COL4A5: variants seen among roughly 807,000 people sequenced by gnomAD.
COL4A5 encodes the protein collagen alpha-5(IV) chain.
COL4A5 carries 26 observed loss-of-function variants against 130.2 expected under a neutral mutation model. The observed-to-expected ratio is 0.20, with a 90% confidence interval of 0.15 to 0.28. COL4A5 has a LOEUF of 0.28. COL4A5 is among the 10% of genes least tolerant of loss of function. COL4A5 has a pLI of 1.00. For synonymous variants in COL4A5, 496 were observed against 439.6 expected (o/e 1.13, Z -1.60); for missense variants, 1,131 against 1,344.3 (o/e 0.84, Z 2.48).
At chrX:108,520,178 C>A (rs1465669887) in intron 1 of COL4A5, among the ~76,000 whole-genome samples, 2 of 111,236 alleles carry the variant, frequency 1.8e-5, no homozygotes, top group East Asian at 5.6e-4. Flanking sequence ...AGGTTTATCT[C>A]TCCTCTTCTG....
intron 36 of COL4A5, chrX:108,627,653 T>G: frequency 1.8e-6 from 1 of 550,451 alleles, no homozygotes; most frequent in Non-Finnish European, 2.2e-6. Flanking sequence ...TATAATAATG[T>G]AACATATGAA....
intron 36 of COL4A5, among the ~76,000 whole-genome samples, chrX:108,630,846 G>C (rs2067241981): frequency 8.9e-6 from 1 of 112,205 alleles, no homozygotes; most frequent in Non-Finnish European, 1.9e-5. Context: ...GTGTGAGGAA[G>C]GGATCCAGTT....
intron 1 of COL4A5, among the ~76,000 whole-genome samples, chrX:108,472,911 C>G (rs750647082): frequency 8.9e-6 from 1 of 112,118 alleles, no homozygotes; most frequent in East Asian, 2.8e-4. Flanking sequence ...GCTCCCTTTT[C>G]TCCACATCCT....
At chrX:108,565,743 T>TGATGTCATTTA (rs2065957588) in intron 4 of COL4A5, among the ~76,000 whole-genome samples, 1 of 111,734 alleles carries the variant, frequency 8.9e-6, no homozygotes, top group Non-Finnish European at 1.9e-5. Context: ...TGTTTCCTCA[T>TGATGTCATTTA]GATGTCATTT....
chrX:108,464,744 C>G (rs1409652835), intron 1 of COL4A5, among the ~76,000 whole-genome samples: 1 of 111,904 alleles, frequency 8.9e-6, no homozygotes, highest in East Asian at 2.8e-4. Flanking sequence ...TTTAAGGGAA[C>G]AAGTGAATAA....
At position 108,640,388 on chromosome X, in the gene COL4A5, G is replaced by A. The variant is rs181276101; in HGVS notation, c.3246+14039G>A. ...ATGGTAATTGCTCAGGGTTGGGGGA[G>A]GGGAAAATAAGGAGATATTGGCCAA... On this transcript the variant is annotated intron_variant, in intron 36 of 52. Transcript: ENST00000328300. 3.0e-3 allele frequency among the ~76,000 whole-genome samples: 338 copies of A among 111,252 alleles called. 3 individuals are homozygous for A. Among genetic ancestry groups the A allele is most frequent in the African/African-American group, 0.011 (332 of 30,605 alleles).
At position 108,578,299 on chromosome X, in the gene COL4A5, A is replaced by C; in HGVS notation, c.696A>C (p.Gln232His). Residue 232 changes from glutamine to histidine, a missense_variant, in exon 13 of 53, where the codon CAA becomes CAC. By Grantham distance (24) the Gln-to-His change is conservative. Coordinates refer to ENST00000328300, the MANE Select transcript of COL4A5 (RefSeq NM_033380.3). ...FQGPKGEKGE[Q>H]GLQGPPGPPG... ...TTTTATCTTGCAAACAGGGTGAGCA[A>C]GGTCTTCAGGGCCCACCTGGGCCAC... 1 of 1,208,754 alleles carries C rather than the reference A, an allele frequency of 8.3e-7. No homozygotes were observed. The highest frequency in any genetic ancestry group is 1.1e-6 in the Non-Finnish European group (1 of 892,622).
At chrX:108,519,802 C>T (rs892136560) in intron 1 of COL4A5, among the ~76,000 whole-genome samples, 2 of 110,853 alleles carry the variant, frequency 1.8e-5, no homozygotes, top group African/African-American at 3.3e-5. Context: ...TGAGAGACTA[C>T]ACTGGGAACC....
chrX:108,661,651 T>C (rs908833364), intron 37 of COL4A5, among the ~76,000 whole-genome samples: 2 of 111,763 alleles, frequency 1.8e-5, no homozygotes, highest in African/African-American at 3.2e-5. Flanking sequence ...ATTTTTATTG[T>C]ATACTAAATG....
Position 108,607,367 on chromosome X carries a change from A to C in COL4A5, c.2395+475A>C, listed in dbSNP as rs763563833. Among the ~76,000 whole-genome samples, 320 of 108,254 alleles carry C rather than the reference A, an allele frequency of 3.0e-3. 1 individual carries two copies. Among genetic ancestry groups the C allele is most frequent in the African/African-American group, 0.01 (307 of 29,674 alleles). The allele number at this position is 108,254 out of a possible 115,157, so 94.0% of individuals were successfully genotyped here. ...CTTTGTCTCAAAAAAAAAAAAAAAAACAATCATATATGTTATAAAAGTAAC... is the reference window on the plus strand; with the variant it reads ...CTTTGTCTCAAAAAAAAAAAAAAAACCAATCATATATGTTATAAAAGTAAC... On this transcript the variant is annotated intron_variant, in intron 29 of 52. Transcript: ENST00000328300.
At chrX:108,627,578 T>C (rs1265579024) in intron 36 of COL4A5, 2 of 708,413 alleles carry the variant, frequency 2.8e-6, no homozygotes, top group African/African-American at 4.7e-5. Flanking sequence ...CTGTATAGTT[T>C]CATAAAAGTG....
intron 10 of COL4A5, 107 bp from the exon 11 acceptor site, chrX:108,577,845 C>G: frequency 1.5e-6 from 1 of 647,237 alleles, no homozygotes. Flanking sequence ...CAAGAAAATA[C>G]TATTTTGATG....
chrX:108,643,045 AATAG>A (rs1194344517), intron 36 of COL4A5, among the ~76,000 whole-genome samples: 1 of 111,393 alleles, frequency 9.0e-6, no homozygotes, highest in African/African-American at 3.3e-5. Context: ...TATTAAAGGA[AATAG>A]ATAGCATAAA....
Position 108,526,721 on chromosome X carries a change from CTT to C in COL4A5, c.82-13023_82-13022del, listed in dbSNP as rs1569481244. On this transcript the variant is annotated intron_variant, in intron 1 of 52. Transcript: ENST00000328300. ...TCTTTCTTTCTTTCTTTCTTTCTTT[CTT>C]TCTTCCTCCTCCTCCTCCTTCTTCT... is the stretch of plus-strand genomic sequence containing the variant. Among the ~76,000 whole-genome samples the C allele has an allele frequency of 3.5e-4, 29 of 82,160 alleles. 1 individual carries two copies. The highest frequency in any genetic ancestry group is 1.7e-3 in the Admixed American group (12 of 6,916). The allele number at this position is 82,160 out of a possible 115,157, so 71.3% of individuals were successfully genotyped here. A position where few individuals can be genotyped will look rare whatever the true frequency, so the allele number is the denominator to read the frequency against.
At chrX:108,457,251 T>C (rs948122742) in intron 1 of COL4A5, among the ~76,000 whole-genome samples, 26 of 112,142 alleles carry the variant, frequency 2.3e-4, no homozygotes, top group African/African-American at 8.4e-4. Context: ...GTAGCATTAG[T>C]CTATTTTTAG....
Position 108,680,712 on chromosome X carries a change from A to G in COL4A5, c.3976A>G (p.Lys1326Glu). ...TGGCCGGCCGGGTCTCAATGGAATG[A>G]AAGGAGATCCTGGTCTCCCTGGTGT... ...NPGRPGLNGMKGDPGLPGVPG... is the reference protein window; with the variant it reads ...NPGRPGLNGMEGDPGLPGVPG... Residue 1326 changes from lysine to glutamate, a missense_variant, in exon 45 of 53, where the codon AAA (lysine) becomes GAA (glutamate). Physicochemically the swap from Lys to Glu is moderately conservative, Grantham distance 56 (BLOSUM62 1). Transcript: ENST00000328300. The G allele has an allele frequency of 8.3e-7, 1 of 1,210,808 alleles. No individual in the cohort carries two copies. The highest frequency in any genetic ancestry group is 1.7e-5 in the African/African-American group (1 of 57,743).
At chrX:108,559,222 A>G in intron 3 of COL4A5, 69 bp downstream of exon 3, 2 of 810,747 alleles carry the variant, frequency 2.5e-6, no homozygotes, top group Non-Finnish European at 1.9e-6. Flanking sequence ...ACTAGGTGTC[A>G]CATCAACTAA....
chrX:108,500,972 T>C (rs2065074851), intron 1 of COL4A5, among the ~76,000 whole-genome samples: 1 of 110,142 alleles, frequency 9.1e-6, no homozygotes, highest in Admixed American at 9.7e-5. Context: ...ACAAAATAAT[T>C]AGAGAAAAAT....
intron 49 of COL4A5, 152 bp from the exon 50 acceptor site, chrX:108,692,596 A>G: frequency 2.1e-6 from 1 of 475,046 alleles, no homozygotes; most frequent in South Asian, 3.4e-5. Flanking sequence ...ATGTTAAAAT[A>G]TGAGTAAATC....
Sources: gnomAD v4.1 joint callset for allele counts (sites outside exome capture counted in the v4.1 genomes callset) on GRCh38, gnomAD v4.1.1 for gene constraint, MANE v1.5 for transcripts, NCBI Gene and HGNC (gene_info 2026-07-23, HGNC 2026-07-21) for gene names.